IGF1R: variants seen among roughly 807,000 people sequenced by gnomAD.
IGF1R encodes the protein insulin like growth factor 1 receptor, also known as insulin-like growth factor 1 receptor.
Under a neutral mutation model 144.6 loss-of-function variants are expected in IGF1R, and 44 were observed. That is an observed-to-expected ratio of 0.30 (90% CI 0.24 to 0.39). The LOEUF (loss-of-function observed/expected upper bound fraction) is 0.39. IGF1R is among the 10% of genes least tolerant of loss of function. The probability of loss-of-function intolerance (pLI) is 1.00; values close to 1 mark genes in which losing one functional copy is unlikely to be tolerated. For missense variants in IGF1R, 1,355 were observed against 1,833.7 expected, an observed-to-expected ratio of 0.74 and a Z score of 4.77; for synonymous variants, 795 against 722.8, an observed-to-expected ratio of 1.10 and a Z score of -1.60.
At chr15:98,820,727 CAAA>C (rs2056786074) in intron 2 of IGF1R, 1 of 152,138 alleles carries the variant, frequency 6.6e-6, no homozygotes, top group Non-Finnish European at 1.5e-5. Flanking sequence ...GCATATAAAA[CAAA>C]AAGATTCAAA....
At chr15:98,869,726 C>T (rs1269799597) in intron 2 of IGF1R, among the ~76,000 whole-genome samples, 1 of 152,174 alleles carries the variant, frequency 6.6e-6, no homozygotes, top group Non-Finnish European at 1.5e-5. Context: ...TGAACCACCG[C>T]ACTCCCTTGA....
chr15:98,913,317 C>A, intron 8 of IGF1R, 35 bp downstream of exon 8: 1 of 1,533,348 alleles, frequency 6.5e-7, no homozygotes, highest in Non-Finnish European at 9.0e-7. Flanking sequence ...AGCATCCACA[C>A]TTCTTCGCAA....
chr15:98,768,792 G>A (rs1182084710), intron 2 of IGF1R, among the ~76,000 whole-genome samples: 2 of 150,234 alleles, frequency 1.3e-5, no homozygotes, highest in South Asian at 2.1e-4. Context: ...GCCGGGCGCG[G>A]TGCCGGGCGC....
intron 2 of IGF1R, among the ~76,000 whole-genome samples, chr15:98,808,354 G>T (rs551649640): frequency 6.6e-6 from 1 of 152,278 alleles, no homozygotes; most frequent in East Asian, 1.9e-4. Flanking sequence ...AATGTTTCCA[G>T]CTTTGGGATA....
At chr15:98,916,949 C>A in intron 10 of IGF1R, 73 bp downstream of exon 10, 1 of 1,313,940 alleles carries the variant, frequency 7.6e-7, no homozygotes, top group Non-Finnish European at 1.1e-6. Flanking sequence ...TTCTCCCCAC[C>A]AGGTAGTGTG....
At chr15:98,925,852 C>A (rs1003615485) in intron 13 of IGF1R, among the ~76,000 whole-genome samples, 1 of 151,938 alleles carries the variant, frequency 6.6e-6, no homozygotes, top group East Asian at 1.9e-4. Flanking sequence ...TGCAGTGAGC[C>A]AAGATATGTC....
intron 2 of IGF1R, among the ~76,000 whole-genome samples, chr15:98,738,714 A>G (rs2054668593): frequency 6.6e-6 from 1 of 152,216 alleles, no homozygotes; most frequent in Admixed American, 6.5e-5. Flanking sequence ...CTGGAAATTC[A>G]ACTCTGTACT....
chr15:98,649,520 CTTTTCTTTTTTTTTTTTTT>C lies in IGF1R; in HGVS notation c.-57_-39del, dbSNP rs1372232161. The C allele has an allele frequency of 3.1e-5, 27 of 858,152 alleles. No homozygotes were observed. Among genetic ancestry groups the C allele is most frequent in the Non-Finnish European group, 4.1e-5 (24 of 589,026 alleles). 53.2% of individuals were successfully genotyped at this position (858,152 alleles called of 1,614,324 possible). A position where few individuals can be genotyped will look rare whatever the true frequency, so the allele number is the denominator to read the frequency against. On this transcript the variant is annotated 5_prime_UTR_variant, in exon 1 of 21. Transcript: ENST00000650285. ...TCCTTTCATTTCCTTTTTTTCTTTT[CTTTTCTTTTTTTTTTTTTT>C]TTTTTTTTTTGAGAAAGGGGAATTT...
intron 11 of IGF1R, 186 bp from the exon 12 acceptor site, chr15:98,923,688 CAG>C (rs1251967585): frequency 3.3e-6 from 2 of 609,320 alleles, no homozygotes; most frequent in African/African-American, 1.9e-5. Context: ...GCAGCCCGCT[CAG>C]GGGCAGTGTA....
rs117489643 is a variant in IGF1R at position 98,878,120 on chromosome 15, T to C, written c.641-13205T>C. On this transcript the variant is annotated intron_variant, in intron 2 of 20. Transcript: ENST00000650285. ...TACCTTGGTCAACACCAGTAAGCCA[T>C]GTAATTGCCCAGAAGTGGGCTCTAA... 8.4e-3 allele frequency among the ~76,000 whole-genome samples: 1,276 copies of C among 152,372 alleles called. 10 individuals carry two copies. Among genetic ancestry groups the C allele is most frequent in the Non-Finnish European group, 0.012 (817 of 68,042 alleles).
intron 4 of IGF1R, among the ~76,000 whole-genome samples, chr15:98,897,817 T>C (rs2014278615): frequency 6.6e-6 from 1 of 152,210 alleles, no homozygotes; most frequent in Non-Finnish European, 1.5e-5. Flanking sequence ...TCTCTGCCAC[T>C]GGGACCACTT....
intron 4 of IGF1R, 157 bp downstream of exon 4, chr15:98,897,062 C>G: frequency 1.4e-6 from 1 of 701,302 alleles, no homozygotes; most frequent in South Asian, 1.7e-5. Flanking sequence ...TTTGAGTTTC[C>G]CTGAAAGATA....
intron 2 of IGF1R, among the ~76,000 whole-genome samples, chr15:98,857,169 A>AT (rs1449505646): frequency 1.3e-5 from 2 of 152,214 alleles, no homozygotes; most frequent in African/African-American, 2.4e-5. Flanking sequence ...AGAAGCTTCT[A>AT]TAAAGTGACC....
chr15:98,818,241 T>C (rs1446250083), intron 2 of IGF1R, among the ~76,000 whole-genome samples: 1 of 152,112 alleles, frequency 6.6e-6, no homozygotes, highest in Non-Finnish European at 1.5e-5. Context: ...TGAGACACAA[T>C]TGATTTCATA....
intron 2 of IGF1R, among the ~76,000 whole-genome samples, chr15:98,724,827 G>A (rs1335107551): frequency 6.6e-6 from 1 of 152,230 alleles, no homozygotes; most frequent in East Asian, 1.9e-4. Flanking sequence ...TGCAGTACCT[G>A]TGGATTTGGT....
At chr15:98,749,532 T>G (rs1175060711) in intron 2 of IGF1R, among the ~76,000 whole-genome samples, 2 of 152,352 alleles carry the variant, frequency 1.3e-5, no homozygotes, top group Admixed American at 1.3e-4. Context: ...TTAATTTTCA[T>G]TTTTCTAAGT....
chr15:98,922,194 A>G lies in IGF1R; in HGVS notation c.2248A>G (p.Met750Val), dbSNP rs932826302. ...TGTCATGCAAGTGGCCAACACCACCATGTCCAGCCGAAGCAGGAACACCAC... is the reference window on the plus strand; with the variant it reads ...TGTCATGCAAGTGGCCAACACCACCGTGTCCAGCCGAAGCAGGAACACCAC... ...RDVMQVANTT[M>V]SSRSRNTTAA... is the part of the protein sequence containing the mutation. Residue 750 changes from methionine (M) to valine (V), a missense_variant, in exon 11 of 21, where the codon ATG (methionine) becomes GTG (valine). This residue lies in a region of IGF1R where 880 missense variants were observed against 1,202.7 expected (regional missense o/e 0.73). Transcript: ENST00000650285. 4.3e-6 allele frequency: 7 copies of G among 1,614,216 alleles called. No individual in the cohort carries two copies. The highest frequency in any genetic ancestry group is 1.6e-4 in the Middle Eastern group (1 of 6,062).
chr15:98,951,582 C>A (rs2016775691), intron 20 of IGF1R, among the ~76,000 whole-genome samples: 2 of 152,240 alleles, frequency 1.3e-5, no homozygotes, highest in African/African-American at 4.8e-5. Context: ...TGGCTTGGAG[C>A]CCTTCTCGCG....
chr15:98,711,114 C>T (rs1022726131), intron 2 of IGF1R, among the ~76,000 whole-genome samples: 4 of 152,146 alleles, frequency 2.6e-5, no homozygotes, highest in East Asian at 1.9e-4. Flanking sequence ...GTCACTGCAG[C>T]GCTCATAGCC....
Sources: gnomAD v4.1 joint callset for allele counts (sites outside exome capture counted in the v4.1 genomes callset) on GRCh38, gnomAD v4.1.1 for gene constraint, gnomAD v4.1.1 regional missense constraint, MANE v1.5 for transcripts, NCBI Gene and HGNC (gene_info 2026-07-23, HGNC 2026-07-21) for gene names.